The following ZNF232 variants were observed in gnomAD, a reference collection of about 807,000 sequenced individuals.
The protein encoded by ZNF232 is zinc finger protein 232.
In ZNF232, 25 loss-of-function variants were observed where a neutral mutation model predicts 25.2. The ratio of observed to expected loss-of-function variants is 0.99; its 90% CI spans 0.72 to 1.39. ZNF232 has a LOEUF of 1.39. ZNF232 is among the 40% of genes most tolerant of loss of function. ZNF232 has a pLI of 0.00. For missense variants in ZNF232, 519 were observed against 520.9 expected (o/e 1.00, Z 0.04); for synonymous variants, 193 against 182.9 (o/e 1.06, Z -0.45).
At chr17:5,105,743 A>T (rs2072244244) in exon 4 of ZNF232, 1 of 1,330,120 alleles carries the variant, frequency 7.5e-7, no homozygotes, top group East Asian at 2.3e-5. Context: ...ATCTTAAGGA[A>T]CTTATAACTT....
chr17:5,115,499 C>T (rs565624357), upstream of ZNF232, among the ~76,000 whole-genome samples: 1 of 151,518 alleles, frequency 6.6e-6, no homozygotes, highest in Non-Finnish European at 1.5e-5. Flanking sequence ...TACAGTGAGC[C>T]GAGATGGCGC....
At chr17:5,116,549 A>G (rs1422694632), upstream of ZNF232, 1 of 152,266 alleles carries the variant, frequency 6.6e-6, no homozygotes, top group Non-Finnish European at 1.5e-5. Flanking sequence ...GGCGGGCGAC[A>G]AGTTACAGTT....
chr17:5,113,800 G>T (rs1347733703), upstream of ZNF232: 1 of 152,040 alleles, frequency 6.6e-6, no homozygotes, highest in Non-Finnish European at 1.5e-5. Context: ...ACAGACAAGG[G>T]GAAAGCTATT....
intron 1 of ZNF232, among the ~76,000 whole-genome samples, chr17:5,117,369 A>T (rs950510002): frequency 1.3e-4 from 20 of 152,238 alleles, no homozygotes; most frequent in Non-Finnish European, 2.5e-4. Context: ...TACAAAAATT[A>T]GCCGGGTGTG....
chr17:5,110,516 C>A (rs1190207337), intron 1 of ZNF232, among the ~76,000 whole-genome samples: 1 of 152,224 alleles, frequency 6.6e-6, no homozygotes, highest in Non-Finnish European at 1.5e-5. Context: ...CAGAGCCGAG[C>A]AGCTTTCAGT....
In ZNF232 at chr17:5,109,874, A is replaced by G. The variant is rs1265979944; in HGVS notation, c.24-6T>C. Reference sequence around the variant, plus strand: ...TGGAATCTTGCAAGGGCCCCCTGTAACATAAGAAGAAATCATTCCTCTTTT... The same window carrying G: ...TGGAATCTTGCAAGGGCCCCCTGTAGCATAAGAAGAAATCATTCCTCTTTT... On this transcript the variant is annotated splice_polypyrimidine_tract_variant and splice_region_variant and intron_variant, in intron 1 of 3. Coordinates refer to ENST00000575898, the Ensembl canonical transcript of ZNF232. The G allele has an allele frequency of 1.3e-6, 2 of 1,581,180 alleles. No individual in the cohort carries two copies. Among genetic ancestry groups the G allele is most frequent in the East Asian group, 4.5e-5 (2 of 44,722 alleles).
At chr17:5,109,077 G>A in intron 2 of ZNF232, 25 bp from the exon 3 acceptor site, 2 of 1,613,602 alleles carry the variant, frequency 1.2e-6, no homozygotes, top group Admixed American at 1.7e-5. Context: ...GCACCACTCA[G>A]TTTAAATTTT....
intron 1 of ZNF232, among the ~76,000 whole-genome samples, chr17:5,118,625 T>C (rs2143691730): frequency 1.3e-5 from 2 of 152,358 alleles, no homozygotes; most frequent in East Asian, 3.9e-4. Context: ...TGACAGCCTT[T>C]TGGGTAGCCA....
At chr17:5,105,900 C>A (rs780774376) in exon 4 of ZNF232, 1 of 1,614,158 alleles carries the variant, frequency 6.2e-7, no homozygotes, top group Non-Finnish European at 8.5e-7. Context: ...AGCTTTCCCA[C>A]ATTCTTTACA....
chr17:5,114,528 T>G (rs921494836), upstream of ZNF232: 4 of 152,394 alleles, frequency 2.6e-5, no homozygotes, highest in Admixed American at 6.5e-5. Flanking sequence ...TTCTCTGATG[T>G]TCTGTAAGGA....
exon 4 of ZNF232, chr17:5,106,154 G>A: frequency 6.2e-7 from 1 of 1,614,132 alleles, no homozygotes; most frequent in Non-Finnish European, 8.5e-7. Flanking sequence ...TTTTCCCACA[G>A]TCACTACACT....
chr17:5,115,555 A>AACACAC (rs61171102), upstream of ZNF232, among the ~76,000 whole-genome samples: 1,543 of 148,726 alleles, frequency 0.01, 35 homozygotes, highest in East Asian at 0.047. Flanking sequence ...CGTCTCCAAA[A>AACACAC]ACACACACAC....
chr17:5,122,387 G>A (rs2072705285), intron 1 of ZNF232, among the ~76,000 whole-genome samples: 1 of 152,188 alleles, frequency 6.6e-6, no homozygotes, highest in Non-Finnish European at 1.5e-5. Context: ...GTTTGCAGGT[G>A]GGAAGGGTGA....
intron 3 of ZNF232, among the ~76,000 whole-genome samples, chr17:5,107,723 A>G (rs1597919833): frequency 6.6e-6 from 1 of 152,048 alleles, no homozygotes; most frequent in East Asian, 1.9e-4. Flanking sequence ...TTTAGTAGAG[A>G]CAGGGTTTCA....
chr17:5,122,840 T>G (rs1434063321), intron 1 of ZNF232: 3 of 152,126 alleles, frequency 2.0e-5, no homozygotes, highest in Non-Finnish European at 4.4e-5. Context: ...CTCTTAGAGG[T>G]CTGTGGCCCC....
chr17:5,120,608 T>A (rs920271917), intron 1 of ZNF232: 2 of 369,932 alleles, frequency 5.4e-6, no homozygotes, highest in African/African-American at 4.3e-5. Flanking sequence ...GGTGAGCTCC[T>A]GCTGTCCTCT....
intron 1 of ZNF232, 109 bp downstream of exon 1, chr17:5,111,691 C>G (rs919323093): frequency 1.9e-6 from 3 of 1,572,362 alleles, no homozygotes; most frequent in Non-Finnish European, 2.6e-6. Context: ...CCACACACAA[C>G]CGCGGAGCTG....
At chr17:5,115,858 G>A (rs936998153), upstream of ZNF232, among the ~76,000 whole-genome samples, 56 of 152,136 alleles carry the variant, frequency 3.7e-4, no homozygotes, top group African/African-American at 1.3e-3. Context: ...CGCACCCCGC[G>A]CCGCCTTTGG....
At chr17:5,120,395 C>T (rs1277690143) in intron 1 of ZNF232, among the ~76,000 whole-genome samples, 2 of 152,116 alleles carry the variant, frequency 1.3e-5, no homozygotes, top group Non-Finnish European at 2.9e-5. Flanking sequence ...GGGTGAAGTC[C>T]AGTCCCGAGT....
Sources: gnomAD v4.1 joint callset for allele counts (sites outside exome capture counted in the v4.1 genomes callset) on GRCh38, gnomAD v4.1.1 for gene constraint, MANE v1.5 for transcripts, NCBI Gene and HGNC (gene_info 2026-07-23, HGNC 2026-07-21) for gene names.